FHIT: variants seen among roughly 807,000 people sequenced by gnomAD.
FHIT encodes the protein fragile histidine triad diadenosine triphosphatase.
A neutral mutation model predicts 17.9 loss-of-function variants in FHIT; 19 were observed. The ratio of observed to expected loss-of-function variants is 1.06; its 90% CI spans 0.74 to 1.56. FHIT has a LOEUF of 1.56. Among genes scored for constraint, FHIT ranks in the 40% most tolerant of loss-of-function variants. FHIT has a pLI of 0.00. For missense variants in FHIT, 248 were observed against 189.2 expected, an observed-to-expected ratio of 1.31 and a Z score of -1.82; for synonymous variants, 81 against 69.7, an observed-to-expected ratio of 1.16 and a Z score of -0.81.
At chr3:60,843,085 G>T (rs779320018) in intron 3 of FHIT, among the ~76,000 whole-genome samples, 1 of 152,118 alleles carries the variant, frequency 6.6e-6, no homozygotes, top group South Asian at 2.1e-4. Flanking sequence ...TCTGTCTGCA[G>T]AAAGTAAGAA....
chr3:60,107,150 CTTTTTTT>C (rs540311961), intron 5 of FHIT, among the ~76,000 whole-genome samples: 6 of 95,152 alleles, frequency 6.3e-5, no homozygotes, highest in Admixed American at 1.3e-4. Flanking sequence ...AGCTTTAATT[CTTTTTTT>C]TTTTTTTTTT....
intron 5 of FHIT, among the ~76,000 whole-genome samples, chr3:60,406,544 A>G (rs1016240408): frequency 6.6e-6 from 1 of 152,104 alleles, no homozygotes; most frequent in Middle Eastern, 3.2e-3. Context: ...TCCTTTCTTT[A>G]TCGTTTGCTT....
intron 5 of FHIT, among the ~76,000 whole-genome samples, chr3:60,142,248 C>T (rs545233973): frequency 5.4e-4 from 82 of 152,214 alleles, no homozygotes; most frequent in African/African-American, 2.0e-3. Flanking sequence ...CATCTGTTTC[C>T]ACAGGGATAA....
intron 5 of FHIT, among the ~76,000 whole-genome samples, chr3:60,207,962 G>C (rs1703278464): frequency 6.6e-6 from 1 of 152,150 alleles, no homozygotes; most frequent in Non-Finnish European, 1.5e-5. Flanking sequence ...TGAGGAGCTG[G>C]TAAGAGCAAA....
intron 8 of FHIT, among the ~76,000 whole-genome samples, chr3:59,755,099 T>G (rs73092678): frequency 0.091 from 13,781 of 152,172 alleles, 842 homozygotes; most frequent in Admixed American, 0.18. Flanking sequence ...CACACACATA[T>G]AGAAAGAATC....
At chr3:60,856,480 C>T (rs1251740401) in intron 3 of FHIT, 1 of 152,094 alleles carries the variant, frequency 6.6e-6, no homozygotes, top group African/African-American at 2.4e-5. Flanking sequence ...TGAAGCAACA[C>T]CAAGAACGAG....
intron 5 of FHIT, among the ~76,000 whole-genome samples, chr3:60,110,057 C>T (rs922726846): frequency 2.0e-5 from 3 of 152,088 alleles, no homozygotes; most frequent in Admixed American, 1.3e-4. Context: ...CCTAAATTAG[C>T]CCAATGTTAT....
At position 60,335,036 on chromosome 3, in the gene FHIT, T is replaced by C. The variant is rs113769487; in HGVS notation, c.103+201824A>G. ...GCTTTAAATGGACAAAATTATGTAATAGTGAAGTAAACTTTTATTAAAAAG... is the reference window on the plus strand; with the variant it reads ...GCTTTAAATGGACAAAATTATGTAACAGTGAAGTAAACTTTTATTAAAAAG... On this transcript the variant is annotated intron_variant, in intron 5 of 9. Transcript: ENST00000492590. Among the ~76,000 whole-genome samples the C allele has an allele frequency of 3.4e-3, 516 of 152,322 alleles. 2 individuals are homozygous for C. The highest frequency in any genetic ancestry group is 0.011 in the African/African-American group (456 of 41,580).
chr3:59,908,295 A>G (rs1223476660), intron 8 of FHIT, among the ~76,000 whole-genome samples: 1 of 152,254 alleles, frequency 6.6e-6, no homozygotes, highest in Non-Finnish European at 1.5e-5. Flanking sequence ...GAAGGACTAT[A>G]GCAGCAACAT....
chr3:61,113,249 A>G (rs2106895985), intron 2 of FHIT, among the ~76,000 whole-genome samples: 1 of 152,132 alleles, frequency 6.6e-6, no homozygotes, highest in East Asian at 1.9e-4. Flanking sequence ...GGCTCAAGTG[A>G]TCTTGCCACC....
intron 1 of FHIT, among the ~76,000 whole-genome samples, chr3:61,212,040 A>AT (rs2039495197): frequency 1.3e-5 from 2 of 152,356 alleles, no homozygotes; most frequent in South Asian, 2.1e-4. Context: ...AGATAAAACC[A>AT]CAAAGATGGG....
At chr3:60,799,617 G>A (rs782501883) in intron 4 of FHIT, among the ~76,000 whole-genome samples, 6 of 152,016 alleles carry the variant, frequency 3.9e-5, no homozygotes, top group Admixed American at 6.6e-5. Context: ...TTCTTGCCTC[G>A]GGACCTTTGC....
At chr3:60,533,547 T>C (rs886833350) in intron 5 of FHIT, among the ~76,000 whole-genome samples, 2 of 152,178 alleles carry the variant, frequency 1.3e-5, no homozygotes, top group African/African-American at 4.8e-5. Flanking sequence ...AAGTACTGAA[T>C]GAATCAACAT....
At chr3:60,987,097 A>G (rs1037714168) in intron 3 of FHIT, among the ~76,000 whole-genome samples, 3 of 152,198 alleles carry the variant, frequency 2.0e-5, no homozygotes, top group African/African-American at 7.2e-5. Context: ...AAGTCAGTCA[A>G]GTTGAAGTGG....
chr3:60,867,807 A>G (rs1334092245), intron 3 of FHIT, among the ~76,000 whole-genome samples: 6 of 152,194 alleles, frequency 3.9e-5, no homozygotes, highest in African/African-American at 1.2e-4. Flanking sequence ...GACTACAATA[A>G]GCAGAGCCCC....
chr3:60,248,696 A>G (rs919887354), intron 5 of FHIT, among the ~76,000 whole-genome samples: 1 of 152,166 alleles, frequency 6.6e-6, no homozygotes, highest in South Asian at 2.1e-4. Context: ...GTTAGTATTC[A>G]GGTTGAAGGG....
chr3:59,954,239 T>TTTTC (rs1247708072), intron 7 of FHIT, among the ~76,000 whole-genome samples: 53 of 151,044 alleles, frequency 3.5e-4, no homozygotes, highest in Non-Finnish European at 5.9e-4. Flanking sequence ...TTCTTTTTTT[T>TTTTC]CCAAATGTGT....
chr3:60,488,550 G>T (rs1239735046), intron 5 of FHIT, among the ~76,000 whole-genome samples: 1 of 152,150 alleles, frequency 6.6e-6, no homozygotes, highest in Non-Finnish European at 1.5e-5. Context: ...TTCTGTGGTT[G>T]CTTAGAAAGG....
chr3:60,111,580 A>C (rs530918781), intron 5 of FHIT, among the ~76,000 whole-genome samples: 13 of 152,310 alleles, frequency 8.5e-5, no homozygotes, highest in African/African-American at 9.6e-5. Flanking sequence ...TTTATACTCC[A>C]TTTTGCACAA....
Sources: gnomAD v4.1 joint callset for allele counts (sites outside exome capture counted in the v4.1 genomes callset) on GRCh38, gnomAD v4.1.1 for gene constraint, MANE v1.5 for transcripts, NCBI Gene and HGNC (gene_info 2026-07-23, HGNC 2026-07-21) for gene names.